Variants in MAGI2 observed in about 807,000 individuals in gnomAD.
The protein encoded by MAGI2 is membrane-associated guanylate kinase, WW and PDZ domain-containing protein 2.
A neutral mutation model predicts 133.3 loss-of-function variants in MAGI2; 35 were observed. The ratio of observed to expected loss-of-function variants is 0.26; its 90% confidence interval spans 0.20 to 0.35. The LOEUF is 0.35. Ranked by LOEUF, MAGI2 falls within the 10% of genes least tolerant of loss-of-function variation. The probability of loss-of-function intolerance (pLI) is 1.00; values close to 1 mark genes in which losing one functional copy is unlikely to be tolerated. For missense variants in MAGI2, 1,636 were observed against 1,863.4 expected (o/e 0.88, Z 2.25); for synonymous variants, 729 against 710.6 (o/e 1.03, Z -0.41).
intron 6 of MAGI2, among the ~76,000 whole-genome samples, chr7:78,376,141 C>T (rs1256982174): frequency 6.6e-6 from 1 of 152,066 alleles, no homozygotes; most frequent in African/African-American, 2.4e-5. Context: ...ACTTTTCAGA[C>T]CTTTTTCCAT....
At chr7:78,738,415 T>C (rs530058942) in intron 2 of MAGI2, among the ~76,000 whole-genome samples, 1 of 152,312 alleles carries the variant, frequency 6.6e-6, no homozygotes, top group South Asian at 2.1e-4. Flanking sequence ...TTTAGGGTAA[T>C]TTATGTTATT....
rs924165474 is a variant in MAGI2 at position 79,243,462 on chromosome 7, C to T, written c.301+209558G>A. ...GGGATATTATAATAAGGGCCAAAGGCGAATAGTCAAACCTGAGAAAAATGG... is the reference window on the plus strand; with the variant it reads ...GGGATATTATAATAAGGGCCAAAGGTGAATAGTCAAACCTGAGAAAAATGG... On this transcript the variant is annotated intron_variant, in intron 1 of 21. Coordinates refer to ENST00000354212, the MANE Select transcript of MAGI2 (RefSeq NM_012301.4). Among the ~76,000 whole-genome samples, 4 of 152,152 alleles carry T rather than the reference C, an allele frequency of 2.6e-5. 1 individual carries two copies.
intron 1 of MAGI2, among the ~76,000 whole-genome samples, chr7:79,274,776 T>C (rs961854072): frequency 1.3e-5 from 2 of 152,172 alleles, no homozygotes; most frequent in African/African-American, 4.8e-5. Flanking sequence ...TTTTCCAACA[T>C]GATCACTTTG....
At chr7:79,159,471 T>A (rs1029013602) in intron 1 of MAGI2, among the ~76,000 whole-genome samples, 1 of 143,904 alleles carries the variant, frequency 6.9e-6, no homozygotes, top group Non-Finnish European at 1.5e-5. Flanking sequence ...TGAGCTGAGA[T>A]CACATCACTG....
chr7:78,497,029 T>C (rs1261996510), intron 5 of MAGI2, among the ~76,000 whole-genome samples: 5 of 152,178 alleles, frequency 3.3e-5, no homozygotes, highest in African/African-American at 1.2e-4. Flanking sequence ...GCTTAACAGA[T>C]GAACTATTGT....
At chr7:78,640,884 T>C (rs1810222864) in intron 2 of MAGI2, among the ~76,000 whole-genome samples, 1 of 152,246 alleles carries the variant, frequency 6.6e-6, no homozygotes, top group Admixed American at 6.5e-5. Context: ...AGTTTGGCTG[T>C]GTCCCCACCC....
At chr7:78,784,700 A>G (rs957863251) in intron 2 of MAGI2, among the ~76,000 whole-genome samples, 1 of 152,174 alleles carries the variant, frequency 6.6e-6, no homozygotes, top group Non-Finnish European at 1.5e-5. Flanking sequence ...GTCCAATCAC[A>G]TTTCTACATG....
chr7:78,316,762 C>A (rs73152037), intron 9 of MAGI2, among the ~76,000 whole-genome samples: 6,934 of 152,172 alleles, frequency 0.046, 228 homozygotes, highest in South Asian at 0.12. Flanking sequence ...TAAATTATAA[C>A]CCTAGAGTGA....
At chr7:79,310,119 G>A (rs531126305) in intron 1 of MAGI2, among the ~76,000 whole-genome samples, 38 of 120,566 alleles carry the variant, frequency 3.2e-4, no homozygotes, top group African/African-American at 9.1e-4. Context: ...AGCCGAGATC[G>A]TGCTACTGCA....
chr7:79,229,614 A>G, intron 1 of MAGI2, among the ~76,000 whole-genome samples: 1 of 152,208 alleles, frequency 6.6e-6, no homozygotes, highest in East Asian at 1.9e-4. Flanking sequence ...TGGATAATGC[A>G]TATGAATCTG....
At chr7:78,962,708 G>A (rs1162774404) in intron 2 of MAGI2, among the ~76,000 whole-genome samples, 13 of 151,844 alleles carry the variant, frequency 8.6e-5, no homozygotes, top group Admixed American at 8.6e-4. Flanking sequence ...TGATTAGGGA[G>A]GCAATAGTCA....
intron 3 of MAGI2, among the ~76,000 whole-genome samples, chr7:78,619,601 G>A (rs1354390296): frequency 6.6e-6 from 1 of 151,756 alleles, no homozygotes; most frequent in Non-Finnish European, 1.5e-5. Flanking sequence ...TTAGAAATAG[G>A]CATTTACATT....
At chr7:78,409,559 C>T (rs1195045876) in intron 6 of MAGI2, among the ~76,000 whole-genome samples, 7 of 152,116 alleles carry the variant, frequency 4.6e-5, no homozygotes, top group African/African-American at 1.7e-4. Context: ...CAAGACTAAT[C>T]CATTTACTCT....
intron 7 of MAGI2, chr7:78,352,768 C>T (rs2191323): frequency 0.75 from 113,890 of 152,118 alleles, 42,698 homozygotes; most frequent in Admixed American, 0.78. Context: ...CAAATTTTCA[C>T]ATAAATGAGA....
intron 2 of MAGI2, among the ~76,000 whole-genome samples, chr7:78,762,374 C>T (rs923785135): frequency 4.0e-5 from 6 of 151,878 alleles, no homozygotes; most frequent in African/African-American, 7.3e-5. Context: ...ACCTGGGAGG[C>T]GGAGGTTGCA....
At chr7:78,491,938 T>C (rs889915480) in intron 5 of MAGI2, among the ~76,000 whole-genome samples, 4 of 150,178 alleles carry the variant, frequency 2.7e-5, no homozygotes, top group Non-Finnish European at 5.9e-5. Context: ...TATGTTTCTA[T>C]GAGGTGGGGA....
chr7:79,135,953 AAG>A, intron 1 of MAGI2, among the ~76,000 whole-genome samples: 1 of 21,740 alleles, frequency 4.6e-5, no homozygotes, highest in Non-Finnish European at 3.8e-4. Flanking sequence ...GAAAGAAAGA[AAG>A]AAAGAAAGAA....
chr7:78,977,413 C>CAGAG (rs139814304), intron 2 of MAGI2, among the ~76,000 whole-genome samples: 1 of 144,736 alleles, frequency 6.9e-6, no homozygotes, highest in African/African-American at 2.5e-5. Flanking sequence ...AAGAGAGCGA[C>CAGAG]AGAGAGAGAG....
At chr7:78,721,731 A>T (rs1820287179) in intron 2 of MAGI2, among the ~76,000 whole-genome samples, 1 of 151,994 alleles carries the variant, frequency 6.6e-6, no homozygotes, top group Non-Finnish European at 1.5e-5. Flanking sequence ...GAAGGGTAAG[A>T]TTTGTTCAGA....
Sources: gnomAD v4.1 joint callset for allele counts (sites outside exome capture counted in the v4.1 genomes callset) on GRCh38, gnomAD v4.1.1 for gene constraint, MANE v1.5 for transcripts, NCBI Gene and HGNC (gene_info 2026-07-23, HGNC 2026-07-21) for gene names.